Variants in JAZF1 observed in about 807,000 individuals in gnomAD.
JAZF1 encodes JAZF zinc finger 1.
Under a neutral mutation model 26.4 loss-of-function variants are expected in JAZF1, and 8 were observed. That is an observed-to-expected ratio of 0.30 (90% confidence interval 0.18 to 0.55). JAZF1 has a LOEUF of 0.55. Ranked by LOEUF, JAZF1 falls within the 20% of genes least tolerant of loss-of-function variation. The pLI, the probability that JAZF1 is intolerant of heterozygous loss-of-function variation, is 0.94. For synonymous variants in JAZF1, 126 were observed against 122.3 expected, an observed-to-expected ratio of 1.03 and a Z score of -0.20; for missense variants, 199 against 322.0, an observed-to-expected ratio of 0.62 and a Z score of 2.92.
chr7:28,123,762 C>G (rs1266157494), intron 1 of JAZF1, among the ~76,000 whole-genome samples: 1 of 152,174 alleles, frequency 6.6e-6, no homozygotes, highest in Non-Finnish European at 1.5e-5. Flanking sequence ...GTCTTAAAAT[C>G]CTGGGATTGA....
intron 2 of JAZF1, among the ~76,000 whole-genome samples, chr7:27,897,884 G>A (rs1281314774): frequency 6.6e-6 from 1 of 152,134 alleles, no homozygotes; most frequent in Non-Finnish European, 1.5e-5. Context: ...TGTGGCCCAC[G>A]GTCATCTGTG....
chr7:28,076,189 G>A (rs1784048644), intron 1 of JAZF1, among the ~76,000 whole-genome samples: 2 of 152,122 alleles, frequency 1.3e-5, no homozygotes, highest in Admixed American at 1.3e-4. Context: ...GCACTTCAAG[G>A]GGCTCCATTA....
At chr7:28,118,236 G>C (rs374683951) in intron 1 of JAZF1, 1 of 152,172 alleles carries the variant, frequency 6.6e-6, no homozygotes, top group South Asian at 2.1e-4. Flanking sequence ...AATGTTTCTG[G>C]CCAGGCGTGG....
chr7:27,961,931 G>C (rs759622983), intron 2 of JAZF1, among the ~76,000 whole-genome samples: 3 of 152,174 alleles, frequency 2.0e-5, no homozygotes, highest in Non-Finnish European at 4.4e-5. Flanking sequence ...GCTGGTCCAG[G>C]ACTTTGGCAC....
chr7:28,120,501 CTTTTTTTTTT>C (rs58448766), intron 1 of JAZF1, among the ~76,000 whole-genome samples: 3 of 59,004 alleles, frequency 5.1e-5, no homozygotes, highest in East Asian at 1.1e-3. Context: ...ACACACAGTT[CTTTTTTTTTT>C]TTTTTTTTTT....
intron 1 of JAZF1, among the ~76,000 whole-genome samples, chr7:28,118,448 G>C (rs555478628): frequency 6.6e-6 from 1 of 152,252 alleles, no homozygotes; most frequent in Non-Finnish European, 1.5e-5. Context: ...CCGAGAGGCA[G>C]AGGTTGCAGT....
intron 1 of JAZF1, among the ~76,000 whole-genome samples, chr7:28,122,720 T>C (rs1782624616): frequency 6.6e-6 from 1 of 151,986 alleles, no homozygotes; most frequent in Admixed American, 6.6e-5. Context: ...CCAACACCAC[T>C]CAAGCAGGGA....
chr7:28,156,350 C>T (rs1783185329), intron 1 of JAZF1, among the ~76,000 whole-genome samples: 1 of 152,210 alleles, frequency 6.6e-6, no homozygotes, highest in South Asian at 2.1e-4. Context: ...TGGGGAGTCA[C>T]TTCGTGGCTT....
intron 1 of JAZF1, among the ~76,000 whole-genome samples, chr7:27,993,785 T>C (rs527373230): frequency 6.6e-6 from 1 of 152,270 alleles, no homozygotes; most frequent in Admixed American, 6.5e-5. Flanking sequence ...ACCTCAAGTT[T>C]AGGTACTGAC....
At chr7:28,120,360 T>C (rs1782572425) in intron 1 of JAZF1, among the ~76,000 whole-genome samples, 1 of 151,922 alleles carries the variant, frequency 6.6e-6, no homozygotes, top group Non-Finnish European at 1.5e-5. Flanking sequence ...TTGAGGAATC[T>C]GAGACACAGA....
chr7:28,116,449 C>T (rs927570229), intron 1 of JAZF1, among the ~76,000 whole-genome samples: 1 of 152,120 alleles, frequency 6.6e-6, no homozygotes, highest in Non-Finnish European at 1.5e-5. Flanking sequence ...TTCTTTCTCT[C>T]TCTCTCTTTT....
chr7:27,912,329 A>G (rs1395343690), intron 2 of JAZF1, among the ~76,000 whole-genome samples: 1 of 152,262 alleles, frequency 6.6e-6, no homozygotes, highest in African/African-American at 2.4e-5. Flanking sequence ...ACCTAGAGAA[A>G]AAGTCGACTC....
intron 1 of JAZF1, among the ~76,000 whole-genome samples, chr7:28,179,901 G>C (rs1369083851): frequency 6.8e-6 from 1 of 146,938 alleles, no homozygotes; most frequent in African/African-American, 2.4e-5. Context: ...GGCTGCCGCG[G>C]TGGAGCCACC....
chr7:28,118,761 T>TACACACACAC lies in JAZF1; in HGVS notation c.115+61692_115+61701dup, dbSNP rs10612400. Reference sequence around the variant, plus strand: ...TGGAGATCTATTTCTAAGAGAGTTTTACACACACACACACACACACACACA... The same window carrying TACACACACAC: ...TGGAGATCTATTTCTAAGAGAGTTTTACACACACACACACACACACACACACACACACACA... On this transcript the variant is annotated intron_variant, in intron 1 of 4. Coordinates refer to ENST00000283928, the MANE Select transcript of JAZF1 (RefSeq NM_175061.4). 5.6e-3 allele frequency among the ~76,000 whole-genome samples: 830 copies of TACACACACAC among 148,774 alleles called. 12 individuals carry two copies. Among genetic ancestry groups the TACACACACAC allele is most frequent in the African/African-American group, 0.02 (796 of 40,234 alleles).
At chr7:27,967,342 G>A (rs964417012) in intron 2 of JAZF1, among the ~76,000 whole-genome samples, 19 of 151,948 alleles carry the variant, frequency 1.3e-4, no homozygotes, top group Admixed American at 3.9e-4. Flanking sequence ...AGGGATCTGT[G>A]GGGTCCTCTG....
At chr7:27,960,390 G>A (rs2030488855) in intron 2 of JAZF1, among the ~76,000 whole-genome samples, 1 of 152,170 alleles carries the variant, frequency 6.6e-6, no homozygotes. Flanking sequence ...ATTTCTTTAG[G>A]TTACACTCAC....
At chr7:27,927,119 G>A (rs1247572218) in intron 2 of JAZF1, among the ~76,000 whole-genome samples, 1 of 152,214 alleles carries the variant, frequency 6.6e-6, no homozygotes, top group African/African-American at 2.4e-5. Context: ...GGAACAGGGA[G>A]AAGGGAGTAA....
At chr7:27,915,600 G>A (rs759101503) in intron 2 of JAZF1, among the ~76,000 whole-genome samples, 2 of 152,218 alleles carry the variant, frequency 1.3e-5, no homozygotes, top group African/African-American at 2.4e-5. Flanking sequence ...TGAATAAGGT[G>A]AAGTGCAAAG....
chr7:27,937,203 T>C (rs1784774922), intron 2 of JAZF1, among the ~76,000 whole-genome samples: 1 of 152,202 alleles, frequency 6.6e-6, no homozygotes, highest in Admixed American at 6.5e-5. Context: ...AGAGCTCTTA[T>C]GTCCACAACA....
Sources: gnomAD v4.1 joint callset for allele counts (sites outside exome capture counted in the v4.1 genomes callset) on GRCh38, gnomAD v4.1.1 for gene constraint, MANE v1.5 for transcripts, NCBI Gene and HGNC (gene_info 2026-07-23, HGNC 2026-07-21) for gene names.